Variants in SFXN1 observed in about 807,000 individuals in gnomAD.
The protein encoded by SFXN1 is sideroflexin-1.
A neutral mutation model predicts 39.5 loss-of-function variants in SFXN1; 32 were observed. The ratio of observed to expected loss-of-function variants is 0.81; its 90% CI spans 0.61 to 1.09. The LOEUF is 1.09. Among genes scored for constraint, SFXN1 ranks in the 50% least tolerant of loss-of-function variants. The pLI is 0.00. For synonymous variants in SFXN1, 136 were observed against 146.5 expected (o/e 0.93, Z 0.52); for missense variants, 402 against 407.1 (o/e 0.99, Z 0.11).
chr5:175,518,878 A>C (rs1414739691), intron 8 of SFXN1, among the ~76,000 whole-genome samples: 2 of 152,236 alleles, frequency 1.3e-5, no homozygotes, highest in African/African-American at 2.4e-5. Context: ...AGTCCATAAA[A>C]GAAAAATTGA....
Position 175,509,163 on chromosome 5 carries a change from T to C in SFXN1, c.296T>C (p.Met99Thr), listed in dbSNP as rs1760421753. The C allele has an allele frequency of 6.2e-7, 1 of 1,613,730 alleles. No homozygotes were observed. The highest frequency in any genetic ancestry group is 1.3e-5 in the African/African-American group (1 of 74,918). The change falls in exon 3 of 11, where the codon ATG (methionine) becomes ACG (threonine). Residue 99 changes from methionine (M) to threonine (T), a missense_variant. By Grantham distance (81) the Met-to-Thr change is moderately conservative. Coordinates refer to ENST00000321442, the MANE Select transcript of SFXN1 (RefSeq NM_022754.7). ...GGAAGAATGTCAGCCCAGGTTCCCA[T>C]GAACATGACCATCACAGGTTGTATG... is the stretch of plus-strand genomic sequence containing the variant. ...LIGRMSAQVP[M>T]NMTITGCMMT... is the part of the protein sequence containing the mutation.
At chr5:175,490,839 A>G (rs1561655130) in intron 1 of SFXN1, among the ~76,000 whole-genome samples, 1 of 151,492 alleles carries the variant, frequency 6.6e-6, no homozygotes. Flanking sequence ...AAGGATGCTC[A>G]TGAAATAAGT....
intron 2 of SFXN1, among the ~76,000 whole-genome samples, chr5:175,497,930 CAAAAA>C (rs1759918605): frequency 3.1e-5 from 2 of 64,912 alleles, no homozygotes; most frequent in Non-Finnish European, 5.8e-5. Context: ...AACTCCGTCT[CAAAAA>C]GAAAAAAAAA....
intron 2 of SFXN1, among the ~76,000 whole-genome samples, chr5:175,494,440 G>T (rs575959405): frequency 1.3e-5 from 2 of 152,254 alleles, no homozygotes; most frequent in East Asian, 1.9e-4. Context: ...CTTTATTTGC[G>T]ACAGCAACAG....
Position 175,526,798 on chromosome 5 carries a change from G to A in SFXN1, c.*64G>A. The A allele has an allele frequency of 2.2e-6, 3 of 1,359,332 alleles. No individual in the cohort carries two copies. In the East Asian group the frequency reaches 6.9e-5, roughly 31 times the overall value. 84.2% of individuals were successfully genotyped at this position (1,359,332 alleles called of 1,614,324 possible). A position where few individuals can be genotyped will look rare whatever the true frequency, so the allele number is the denominator to read the frequency against. On this transcript the variant is annotated 3_prime_UTR_variant, in exon 11 of 11. Transcript: ENST00000321442. ...AAAGCTGGTGTAGCCATGCTGGTGA[G>A]AAAAATCCTGTTCAACCTGGGTTCT...
At chr5:175,490,592 G>A (rs1401360549) in intron 1 of SFXN1, among the ~76,000 whole-genome samples, 1 of 152,158 alleles carries the variant, frequency 6.6e-6, no homozygotes, top group African/African-American at 2.4e-5. Context: ...AATTAAAACT[G>A]GTATTAGAAA....
At position 175,510,195 on chromosome 5, in the gene SFXN1, C is replaced by G; in HGVS notation, c.422C>G (p.Pro141Arg). ...VNYTNRSGDAPLTVNELGTAY... is the reference protein window; with the variant it reads ...VNYTNRSGDARLTVNELGTAY... ...TACACCAACAGAAGTGGAGACGCAC[C>G]CCTCACTGTCAAGTAAGGCTACGAG... The change falls in exon 4 of 11, where the codon CCC becomes CGC. Residue 141 changes from proline to arginine, a missense_variant. Transcript: ENST00000321442. 6.2e-7 allele frequency: 1 copy of G among 1,611,410 alleles called. No homozygotes were observed. The highest frequency in any genetic ancestry group is 8.5e-7 in the Non-Finnish European group (1 of 1,178,744).
At chr5:175,524,095 TTC>T (rs1760961326) in intron 10 of SFXN1, 1 of 106,424 alleles carries the variant, frequency 9.4e-6, no homozygotes, top group African/African-American at 3.7e-5. Context: ...CAGTGCGAGA[TTC>T]TGTCTCAAAA....
chr5:175,496,298 C>T lies in SFXN1; in HGVS notation c.164+4031C>T, dbSNP rs373760569. 9.9e-5 allele frequency among the ~76,000 whole-genome samples: 15 copies of T among 151,442 alleles called. No homozygotes were observed. In the South Asian group the frequency reaches 1.9e-3, roughly 19 times the overall value. On this transcript the variant is annotated intron_variant, in intron 2 of 10. Transcript: ENST00000321442. Reference sequence around the variant, plus strand: ...CTGAGGCAGGAGAATCACTTGAACCCGGGAGGCAGAGGTTTCAGTGAGCCG... The same window carrying T: ...CTGAGGCAGGAGAATCACTTGAACCTGGGAGGCAGAGGTTTCAGTGAGCCG...
At position 175,506,410 on chromosome 5, in the gene SFXN1, G is replaced by A. The variant is rs139792935; in HGVS notation, c.165-2622G>A. 1.5e-3 allele frequency among the ~76,000 whole-genome samples: 224 copies of A among 152,256 alleles called. 1 individual carries two copies. Among genetic ancestry groups the A allele is most frequent in the African/African-American group, 5.1e-3 (214 of 41,562 alleles). Reference sequence around the variant, plus strand: ...TTTTTAAAAAAAGACTAGTCAAGTAGAGAAAAAAGATAGAAGACATAGCCA... The same window carrying A: ...TTTTTAAAAAAAGACTAGTCAAGTAAAGAAAAAAGATAGAAGACATAGCCA... On this transcript the variant is annotated intron_variant, in intron 2 of 10. Coordinates refer to ENST00000321442, the MANE Select transcript of SFXN1 (RefSeq NM_022754.7).
In SFXN1 at chr5:175,528,538, C is replaced by T. The variant is rs1468514609; in HGVS notation, c.*1804C>T. 6.6e-6 allele frequency: 1 copy of T among 151,942 alleles called. No homozygotes were observed. 9.4% of individuals were successfully genotyped at this position (151,942 alleles called of 1,614,324 possible). On this transcript the variant is annotated 3_prime_UTR_variant, in exon 11 of 11. Coordinates refer to ENST00000321442, the MANE Select transcript of SFXN1 (RefSeq NM_022754.7). The stretch of plus-strand genomic sequence containing the variant: ...ATTGTAAATGAAAAAAATATAGAAA[C>T]TATTTAGTTTTGGTAGATTTTTTTT...
Position 175,512,485 on chromosome 5 carries a change from A to G in SFXN1, c.596+289A>G, listed in dbSNP as rs138470462. Among the ~76,000 whole-genome samples the G allele has an allele frequency of 1.4e-3, 215 of 152,316 alleles. 4 individuals carry two copies. The highest frequency in any genetic ancestry group is 4.9e-3 in the African/African-American group (205 of 41,560). On this transcript the variant is annotated intron_variant, in intron 6 of 10. Transcript: ENST00000321442. ...CCGTATAATAAAAAGTTTAAAAGAT[A>G]TATCTCAAGCTTACATTGAGTTGTG...
intron 2 of SFXN1, among the ~76,000 whole-genome samples, chr5:175,502,904 T>G (rs1760137947): frequency 6.6e-6 from 1 of 152,120 alleles, no homozygotes; most frequent in South Asian, 2.1e-4. Context: ...ATCGAACAGA[T>G]TAACCAACTC....
At chr5:175,480,659 A>G (rs550483910) in intron 1 of SFXN1, among the ~76,000 whole-genome samples, 1 of 152,396 alleles carries the variant, frequency 6.6e-6, no homozygotes, top group Non-Finnish European at 1.5e-5. Context: ...AAAGGCACCA[A>G]CTGGCAGGGA....
chr5:175,510,217 C>T lies in SFXN1; in HGVS notation c.434+10C>T, dbSNP rs565523734. On this transcript the variant is annotated intron_variant, in intron 4 of 10. Transcript: ENST00000321442. ...CACCCCTCACTGTCAAGTAAGGCTACGAGAATTGACCACTCTCTGCAGTTC... is the reference window on the plus strand; with the variant it reads ...CACCCCTCACTGTCAAGTAAGGCTATGAGAATTGACCACTCTCTGCAGTTC... 35 of 1,599,630 alleles carry T rather than the reference C, an allele frequency of 2.2e-5. No homozygotes were observed. Among genetic ancestry groups the T allele is most frequent in the Middle Eastern group, 1.7e-4 (1 of 6,050 alleles).
chr5:175,493,423 G>A (rs570398793), intron 2 of SFXN1, among the ~76,000 whole-genome samples: 20 of 152,266 alleles, frequency 1.3e-4, no homozygotes, highest in African/African-American at 4.6e-4. Flanking sequence ...ATCAGAAGCA[G>A]GTCCTTAACC....
intron 2 of SFXN1, among the ~76,000 whole-genome samples, chr5:175,494,048 C>G (rs539247101): frequency 2.0e-5 from 3 of 152,066 alleles, no homozygotes; most frequent in Admixed American, 2.0e-4. Flanking sequence ...AGAATGGAGA[C>G]TGAAGATAAA....
At chr5:175,492,401 A>G (rs1304359972) in intron 2 of SFXN1, 134 bp downstream of exon 2, 6 of 734,852 alleles carry the variant, frequency 8.2e-6, no homozygotes, top group Admixed American at 3.4e-5. Flanking sequence ...AAAAAAAAAA[A>G]GGAAGAAAAG....
chr5:175,485,739 G>A (rs1325050779), intron 1 of SFXN1, among the ~76,000 whole-genome samples: 2 of 152,152 alleles, frequency 1.3e-5, no homozygotes, highest in African/African-American at 2.4e-5. Context: ...CCCATCATGG[G>A]TAACATGCAG....
Sources: allele counts gnomAD v4.1 joint callset (sites outside exome capture counted in the v4.1 genomes callset), GRCh38; gene constraint gnomAD v4.1.1; transcripts MANE v1.5; gene names NCBI Gene and HGNC (gene_info 2026-07-23, HGNC 2026-07-21).